METTL8: variants seen among roughly 807,000 people sequenced by gnomAD.
METTL8 encodes the protein methyltransferase 8, tRNA N3-cytidine.
Under a neutral mutation model 48.7 loss-of-function variants are expected in METTL8, and 32 were observed. The observed-to-expected ratio is 0.66, with a 90% CI of 0.50 to 0.88. The LOEUF (loss-of-function observed/expected upper bound fraction) is 0.88, where lower values mean the gene tolerates loss of function less well. Among genes scored for constraint, METTL8 ranks in the 40% least tolerant of loss-of-function variants. The probability of loss-of-function intolerance (pLI) is 0.00; values close to 1 mark genes in which losing one functional copy is unlikely to be tolerated. For missense variants in METTL8, 464 were observed against 474.4 expected, an observed-to-expected ratio of 0.98 and a Z score of 0.20; for synonymous variants, 136 against 157.1, an observed-to-expected ratio of 0.87 and a Z score of 1.01.
chr2:171,336,330 C>T (rs557457612), intron 5 of METTL8, among the ~76,000 whole-genome samples: 92 of 148,592 alleles, frequency 6.2e-4, no homozygotes, highest in African/African-American at 2.1e-3. Context: ...CTCCTGATCT[C>T]GTGATTTGCC....
At chr2:171,390,877 A>C (rs1256852105) in intron 2 of METTL8, among the ~76,000 whole-genome samples, 1 of 152,236 alleles carries the variant, frequency 6.6e-6, no homozygotes, top group East Asian at 1.9e-4. Context: ...AATTTAGACA[A>C]AATTCTAAAT....
chr2:171,331,723 G>C, intron 6 of METTL8, 81 bp downstream of exon 6: 1 of 1,146,670 alleles, frequency 8.7e-7, no homozygotes, highest in Non-Finnish European at 1.3e-6. Context: ...TGCCTCTAGT[G>C]ATCTTAAAAT....
chr2:171,408,120 A>G (rs1001309382), intron 1 of METTL8, among the ~76,000 whole-genome samples: 1 of 152,210 alleles, frequency 6.6e-6, no homozygotes. Flanking sequence ...GTGGCTGAAT[A>G]GGAGCTCTAT....
chr2:171,356,952 A>ATGTTTTTTTTTGTTTTTTTTTTTTTTT, intron 3 of METTL8, among the ~76,000 whole-genome samples: 1 of 78,468 alleles, frequency 1.3e-5, no homozygotes, highest in East Asian at 4.3e-4. Context: ...CAAAGACAAT[A>ATGTTTTTTTTTGTTTTTTTTTTTTTTT]TTTTTTTTTT....
chr2:171,409,267 G>A (rs185679758), intron 1 of METTL8, among the ~76,000 whole-genome samples: 80 of 152,124 alleles, frequency 5.3e-4, no homozygotes, highest in Admixed American at 5.2e-3. Context: ...AAGTCACAAA[G>A]TTCTTACAAA....
chr2:171,407,714 A>G (rs1690331599), intron 1 of METTL8, among the ~76,000 whole-genome samples: 1 of 152,250 alleles, frequency 6.6e-6, no homozygotes, highest in Admixed American at 6.5e-5. Flanking sequence ...TATGACAATT[A>G]TTTAAATCGC....
chr2:171,406,361 A>T (rs1331131972), intron 1 of METTL8, among the ~76,000 whole-genome samples: 1 of 152,206 alleles, frequency 6.6e-6, no homozygotes, highest in African/African-American at 2.4e-5. Context: ...TGAAAGCTAT[A>T]TTGGTCAGCT....
chr2:171,368,949 C>T (rs1686006061), intron 2 of METTL8, among the ~76,000 whole-genome samples: 1 of 152,036 alleles, frequency 6.6e-6, no homozygotes, highest in South Asian at 2.1e-4. Flanking sequence ...TAAGAAACTA[C>T]CACTATTGAG....
At chr2:171,332,478 C>G (rs1395149926) in intron 5 of METTL8, 1 of 152,490 alleles carries the variant, frequency 6.6e-6, no homozygotes, top group Admixed American at 6.5e-5. Flanking sequence ...TAATTGGACT[C>G]TTCTTAACTT....
chr2:171,423,074 G>A (rs893379548), intron 1 of METTL8, among the ~76,000 whole-genome samples: 1 of 152,140 alleles, frequency 6.6e-6, no homozygotes, highest in Admixed American at 6.5e-5. Context: ...TGAGATCTGA[G>A]GGTTTATAAG....
At chr2:171,406,539 C>T (rs939723944) in intron 1 of METTL8, among the ~76,000 whole-genome samples, 2 of 152,174 alleles carry the variant, frequency 1.3e-5, no homozygotes, top group South Asian at 2.1e-4. Context: ...TCTGTGCATT[C>T]GCAGAGGGAG....
chr2:171,328,401 GC>G (rs1054910635), intron 7 of METTL8, among the ~76,000 whole-genome samples: 1 of 152,150 alleles, frequency 6.6e-6, no homozygotes, highest in Non-Finnish European at 1.5e-5. Context: ...CTTGCCATTT[GC>G]TTATGCCTGA....
intron 2 of METTL8, among the ~76,000 whole-genome samples, chr2:171,380,936 G>A (rs1392512040): frequency 6.6e-6 from 1 of 152,208 alleles, no homozygotes; most frequent in Non-Finnish European, 1.5e-5. Context: ...AGCCCATATA[G>A]CTAAGACAAT....
chr2:171,326,273 C>A, intron 7 of METTL8, 125 bp from the exon 8 acceptor site: 1 of 580,594 alleles, frequency 1.7e-6, no homozygotes, highest in Non-Finnish European at 3.0e-6. Context: ...AAACCATAAA[C>A]ATAAGGGTAA....
chr2:171,429,713 A>G (rs1426369684), intron 1 of METTL8, among the ~76,000 whole-genome samples: 1 of 152,342 alleles, frequency 6.6e-6, no homozygotes, highest in African/African-American at 2.4e-5. Context: ...TAAGTTAACA[A>G]TGGAGGATCC....
intron 1 of METTL8, among the ~76,000 whole-genome samples, chr2:171,432,614 C>T (rs1177085056): frequency 6.6e-6 from 1 of 152,184 alleles, no homozygotes; most frequent in Non-Finnish European, 1.5e-5. Flanking sequence ...GTAGCACTCT[C>T]TAAAAATATA....
At chr2:171,404,088 T>TCATATATATATATC (rs1559183807) in intron 1 of METTL8, among the ~76,000 whole-genome samples, 1 of 107,408 alleles carries the variant, frequency 9.3e-6, no homozygotes, top group Non-Finnish European at 1.9e-5. Context: ...TATATATATA[T>TCATATATATATATC]ATATATATAT....
intron 2 of METTL8, among the ~76,000 whole-genome samples, chr2:171,386,396 T>C (rs1688054542): frequency 1.3e-5 from 2 of 152,184 alleles, no homozygotes; most frequent in South Asian, 4.1e-4. Context: ...GTGAACTACA[T>C]ACGTAGTTTT....
chr2:171,383,681 C>T (rs1687782132), intron 2 of METTL8, among the ~76,000 whole-genome samples: 1 of 152,288 alleles, frequency 6.6e-6, no homozygotes, highest in East Asian at 1.9e-4. Flanking sequence ...AAACCAAGAA[C>T]ATTGTGAATA....
Sources: gnomAD v4.1 joint callset for allele counts (sites outside exome capture counted in the v4.1 genomes callset) on GRCh38, gnomAD v4.1.1 for gene constraint, MANE v1.5 for transcripts, NCBI Gene and HGNC (gene_info 2026-07-23, HGNC 2026-07-21) for gene names.